Variants in HNRNPD observed in about 807,000 individuals in gnomAD.
HNRNPD encodes heterogeneous nuclear ribonucleoprotein D0.
Under a neutral mutation model 47.9 loss-of-function variants are expected in HNRNPD, and 3 were observed. That is an observed-to-expected ratio of 0.06 (90% confidence interval 0.03 to 0.16). The LOEUF (loss-of-function observed/expected upper bound fraction) is 0.16. Ranked by LOEUF, HNRNPD falls within the 10% of genes least tolerant of loss-of-function variation. The pLI is 1.00. For synonymous variants in HNRNPD, 171 were observed against 165.1 expected (o/e 1.04, Z -0.28); for missense variants, 287 against 454.2 (o/e 0.63, Z 3.35).
At chr4:82,363,437 C>T (rs1719590541) in intron 2 of HNRNPD, among the ~76,000 whole-genome samples, 1 of 152,178 alleles carries the variant, frequency 6.6e-6, no homozygotes, top group Admixed American at 6.5e-5. Flanking sequence ...GTCCAGATTA[C>T]CTCTGCTGCC....
At chr4:82,371,270 G>C (rs1270042199) in intron 2 of HNRNPD, among the ~76,000 whole-genome samples, 1 of 152,044 alleles carries the variant, frequency 6.6e-6, no homozygotes, top group Non-Finnish European at 1.5e-5. Flanking sequence ...TAAAAATATC[G>C]TTACTAATTG....
intron 2 of HNRNPD, among the ~76,000 whole-genome samples, chr4:82,361,358 T>G (rs968845648): frequency 6.6e-6 from 1 of 152,204 alleles, no homozygotes. Flanking sequence ...GAAAGAGAAC[T>G]GACTATAAAG....
intron 3 of HNRNPD, among the ~76,000 whole-genome samples, 160 bp downstream of exon 3, chr4:82,359,311 T>C (rs538922809): frequency 3.9e-5 from 6 of 152,348 alleles, no homozygotes; most frequent in South Asian, 2.1e-4. Flanking sequence ...AAATAATTCC[T>C]GAACCTACCT....
Position 82,353,739 on chromosome 4 carries a change from A to G in HNRNPD, c.*446T>C, listed in dbSNP as rs1371339972. 1.3e-5 allele frequency: 2 copies of G among 152,676 alleles called. No homozygotes were observed. The allele number at this position is 152,676 out of a possible 1,614,324, so 9.5% of individuals were successfully genotyped here. ...CACTGCAATTTTAATCATGTCCTCA[A>G]TTTCGGCAAGCCTGTCTTCCAAACT... is the stretch of plus-strand genomic sequence containing the variant. On this transcript the variant is annotated 3_prime_UTR_variant, in exon 9 of 9. Transcript: ENST00000313899.
intron 2 of HNRNPD, among the ~76,000 whole-genome samples, chr4:82,360,507 A>AC (rs1254587077): frequency 6.6e-6 from 1 of 152,270 alleles, no homozygotes; most frequent in Admixed American, 6.5e-5. Flanking sequence ...GCTATCCTAT[A>AC]CCTAACCTTC....
At chr4:82,372,130 C>T (rs1052976946) in intron 1 of HNRNPD, among the ~76,000 whole-genome samples, 2 of 151,814 alleles carry the variant, frequency 1.3e-5, no homozygotes, top group Non-Finnish European at 2.9e-5. Flanking sequence ...CAACACCTTT[C>T]TCTTTACAGT....
chr4:82,355,176 CTATG>C, intron 8 of HNRNPD, 124 bp downstream of exon 8: 1 of 647,618 alleles, frequency 1.5e-6, no homozygotes, highest in East Asian at 2.7e-5. Flanking sequence ...TTGAAAGTCA[CTATG>C]TTATAATATG....
chr4:82,358,495 C>T, intron 4 of HNRNPD, 164 bp downstream of exon 4: 2 of 614,860 alleles, frequency 3.3e-6, no homozygotes, highest in Non-Finnish European at 2.8e-6. Flanking sequence ...ATTATCCAAC[C>T]TTCAAAGACC....
chr4:82,372,269 G>A (rs754972465), intron 1 of HNRNPD, among the ~76,000 whole-genome samples: 8 of 152,040 alleles, frequency 5.3e-5, no homozygotes, highest in Non-Finnish European at 8.8e-5. Flanking sequence ...AGTCCCTCCT[G>A]CTAACTCCCG....
chr4:82,370,981 T>TACATAC (rs1553896642), intron 2 of HNRNPD, among the ~76,000 whole-genome samples: 1 of 149,354 alleles, frequency 6.7e-6, no homozygotes, highest in Non-Finnish European at 1.5e-5. Context: ...GGTATATATA[T>TACATAC]ACACACACAC....
chr4:82,366,821 A>G (rs1274495920), intron 2 of HNRNPD, among the ~76,000 whole-genome samples: 2 of 152,142 alleles, frequency 1.3e-5, no homozygotes, highest in East Asian at 1.9e-4. Flanking sequence ...TTGGCCTCCC[A>G]AAGTGCTGAG....
intron 8 of HNRNPD, chr4:82,354,496 CA>C (rs1473570429): frequency 6.6e-6 from 1 of 152,580 alleles, no homozygotes; most frequent in Non-Finnish European, 1.5e-5. Flanking sequence ...ATTGGATAAG[CA>C]TATCTCTTGT....
At chr4:82,359,696 C>G (rs1723880468) in intron 2 of HNRNPD, 57 bp from the exon 3 acceptor site, 2 of 1,191,198 alleles carry the variant, frequency 1.7e-6, no homozygotes, top group Non-Finnish European at 2.4e-6. Context: ...TAAATATTAT[C>G]CACATCAATA....
chr4:82,373,022 G>A (rs1392471839), intron 1 of HNRNPD: 2 of 410,984 alleles, frequency 4.9e-6, no homozygotes, highest in East Asian at 1.4e-4. Context: ...ATAAACCTTA[G>A]TAATACAAAC....
intron 3 of HNRNPD, among the ~76,000 whole-genome samples, chr4:82,359,188 T>G (rs769603782): frequency 5.9e-5 from 9 of 152,184 alleles, no homozygotes; most frequent in Non-Finnish European, 1.3e-4. Flanking sequence ...TTTCAAAATA[T>G]GGACTTCTGT....
At chr4:82,368,115 TGAG>T (rs1386978563) in intron 2 of HNRNPD, among the ~76,000 whole-genome samples, 1 of 152,196 alleles carries the variant, frequency 6.6e-6, no homozygotes, top group East Asian at 1.9e-4. Flanking sequence ...TGCACACACT[TGAG>T]GTACACAGCT....
In HNRNPD at chr4:82,373,911, A is replaced by G; in HGVS notation, c.-233T>C. On this transcript the variant is annotated 5_prime_UTR_variant, in exon 1 of 9. Coordinates refer to ENST00000313899, the MANE Select transcript of HNRNPD (RefSeq NM_031370.3). Reference sequence around the variant, plus strand: ...TCCCGCTCTCTCCCGCTGCACTAAAAAAGAATAAGCACCAGCGGCGGCCGC... The same window carrying G: ...TCCCGCTCTCTCCCGCTGCACTAAAGAAGAATAAGCACCAGCGGCGGCCGC... The G allele has an allele frequency of 9.7e-7, 1 of 1,029,286 alleles. No homozygotes were observed. The highest frequency in any genetic ancestry group is 1.3e-6 in the Non-Finnish European group (1 of 752,846). 63.8% of individuals were successfully genotyped at this position (1,029,286 alleles called of 1,614,324 possible). A position where few individuals can be genotyped will look rare whatever the true frequency, so the allele number is the denominator to read the frequency against.
rs994748621 is a variant in HNRNPD at position 82,354,030 on chromosome 4, G to A, written c.*155C>T. The A allele has an allele frequency of 2.6e-5, 4 of 152,646 alleles. No individual in the cohort carries two copies. The highest frequency in any genetic ancestry group is 1.9e-4 in the East Asian group (1 of 5,196). 9.5% of individuals were successfully genotyped at this position (152,646 alleles called of 1,614,324 possible). A position where few individuals can be genotyped will look rare whatever the true frequency, so the allele number is the denominator to read the frequency against. ...AATGAGAACTCAGAATTAAACTTCAGAGGGACCCAACGTCATACTTCCATT... is the reference window on the plus strand; with the variant it reads ...AATGAGAACTCAGAATTAAACTTCAAAGGGACCCAACGTCATACTTCCATT... On this transcript the variant is annotated 3_prime_UTR_variant, in exon 9 of 9. Transcript: ENST00000313899.
Position 82,373,973 on chromosome 4 carries a change from AC to A in HNRNPD, c.-296del. 1 of 650,918 alleles carries A rather than the reference AC, an allele frequency of 1.5e-6. No individual in the cohort carries two copies. Among genetic ancestry groups the A allele is most frequent in the Non-Finnish European group, 2.4e-6 (1 of 411,546 alleles). 40.3% of individuals were successfully genotyped at this position (650,918 alleles called of 1,614,324 possible). On this transcript the variant is annotated 5_prime_UTR_variant, in exon 1 of 9. Coordinates refer to ENST00000313899, the MANE Select transcript of HNRNPD (RefSeq NM_031370.3). ...CCTCGCTTTAATGGCGCCGCCGCGG[AC>A]CACCTAAAATGGCCGACGGAAGAAC... is the stretch of plus-strand genomic sequence containing the variant.
Sources: gnomAD v4.1 joint callset for allele counts (sites outside exome capture counted in the v4.1 genomes callset) on GRCh38, gnomAD v4.1.1 for gene constraint, MANE v1.5 for transcripts, NCBI Gene and HGNC (gene_info 2026-07-23, HGNC 2026-07-21) for gene names.